The following TANC1 variants were observed in gnomAD, a reference collection of about 807,000 sequenced individuals.
TANC1 encodes the protein tetratricopeptide repeat, ankyrin repeat and coiled-coil containing 1, also known as protein TANC1.
A neutral mutation model predicts 149.7 loss-of-function variants in TANC1; 77 were observed. That is an observed-to-expected ratio of 0.51 (90% confidence interval 0.43 to 0.62). The LOEUF (loss-of-function observed/expected upper bound fraction) is 0.62. Among genes scored for constraint, TANC1 ranks in the 20% least tolerant of loss-of-function variants. The pLI is 0.00. For synonymous variants in TANC1, 854 were observed against 925.0 expected (o/e 0.92, Z 1.39); for missense variants, 1,985 against 2,321.8 (o/e 0.85, Z 2.98).
At chr2:159,025,189 T>TTTTTTC (rs1491417289) in intron 2 of TANC1, among the ~76,000 whole-genome samples, 8 of 105,222 alleles carry the variant, frequency 7.6e-5, no homozygotes, top group Non-Finnish European at 1.5e-4. Context: ...TTTTTCTTTC[T>TTTTTTC]TTTCTTTCTT....
chr2:159,022,256 G>A (rs894984637), intron 2 of TANC1, among the ~76,000 whole-genome samples: 5 of 152,176 alleles, frequency 3.3e-5, no homozygotes, highest in Non-Finnish European at 7.3e-5. Context: ...ATTCACAGTT[G>A]CAACTTGGGA....
intron 24 of TANC1, chr2:159,226,111 A>C (rs1389335833): frequency 3.0e-6 from 1 of 332,646 alleles, no homozygotes; most frequent in Non-Finnish European, 5.7e-6. Flanking sequence ...CAGAGGTTGC[A>C]GTGAGCTGAG....
intron 2 of TANC1, among the ~76,000 whole-genome samples, chr2:159,045,607 T>C (rs1371979067): frequency 2.0e-5 from 3 of 152,242 alleles, no homozygotes; most frequent in African/African-American, 7.2e-5. Flanking sequence ...TTTTTTGCTT[T>C]ATATTAATGA....
In TANC1 at chr2:159,227,908, C is replaced by G; in HGVS notation, c.3993C>G (p.Phe1331Leu). The change falls in exon 25 of 27, where the codon TTC (phenylalanine) becomes TTG (leucine). Residue 1331 changes from phenylalanine to leucine, a missense_variant. Around this residue, in one of 3 missense-constraint regions of TANC1, gnomAD observed 920 missense variants for 994.7 expected, o/e 0.92. Transcript: ENST00000263635. ...GATTCGGAGAGGACATGAGACCCTT[C>G]AATGAATTAAGGGTTTCCCTCTATC... ...REGFGEDMRP[F>L]NELRVSLYLN... The G allele has an allele frequency of 6.2e-7, 1 of 1,613,850 alleles. No homozygotes were observed. Among genetic ancestry groups the G allele is most frequent in the Non-Finnish European group, 8.5e-7 (1 of 1,179,766 alleles).
At chr2:159,026,301 A>G (rs1295156952) in intron 2 of TANC1, among the ~76,000 whole-genome samples, 1 of 152,192 alleles carries the variant, frequency 6.6e-6, no homozygotes, top group Non-Finnish European at 1.5e-5. Flanking sequence ...GTTGCCTAGC[A>G]TGCCTTCTTG....
In TANC1 at chr2:158,973,482, C is replaced by T. The variant is rs563781642; in HGVS notation, c.-126+4700C>T. Among the ~76,000 whole-genome samples the T allele has an allele frequency of 4.6e-5, 7 of 152,292 alleles. No individual in the cohort carries two copies. The East Asian group carries it at 5.8e-4, about 13-fold the overall frequency. On this transcript the variant is annotated intron_variant, in intron 1 of 26. Coordinates refer to ENST00000263635, the MANE Select transcript of TANC1 (RefSeq NM_033394.3). ...TTGAAGAAATATGAAAAAGATCATA[C>T]GTATACGGCTGCTGGTATTATAGCT...
intron 17 of TANC1, among the ~76,000 whole-genome samples, chr2:159,196,121 C>T (rs904604145): frequency 6.6e-6 from 1 of 152,234 alleles, no homozygotes; most frequent in African/African-American, 2.4e-5. Flanking sequence ...CACTTGGACT[C>T]CTTTCCTGCC....
chr2:159,186,026 C>T (rs1372800812), intron 15 of TANC1, 127 bp downstream of exon 15: 1 of 664,472 alleles, frequency 1.5e-6, no homozygotes, highest in East Asian at 2.7e-5. Context: ...AATGCAACCT[C>T]CTCCTGCCTC....
At chr2:159,048,254 G>T (rs976051447) in intron 2 of TANC1, among the ~76,000 whole-genome samples, 21 of 152,142 alleles carry the variant, frequency 1.4e-4, no homozygotes, top group Non-Finnish European at 8.8e-5. Flanking sequence ...ATTGGCTTTG[G>T]GGGGCAGTAA....
At position 159,217,491 on chromosome 2, in the gene TANC1, C is replaced by T. The variant is rs754224842; in HGVS notation, c.3245-6C>T. On this transcript the variant is annotated splice_polypyrimidine_tract_variant and splice_region_variant and intron_variant, in intron 19 of 26. Coordinates refer to ENST00000263635, the MANE Select transcript of TANC1 (RefSeq NM_033394.3). ...ACAGATTCCCCTCCATGTGACTTTC[C>T]TTTAGCCCTGACTGCCGCCGCAGGA... is the stretch of plus-strand genomic sequence containing the variant. 6.2e-7 allele frequency: 1 copy of T among 1,614,158 alleles called. No homozygotes were observed. Among genetic ancestry groups the T allele is most frequent in the Non-Finnish European group, 8.5e-7 (1 of 1,180,008 alleles).
intron 16 of TANC1, among the ~76,000 whole-genome samples, chr2:159,192,303 A>AT (rs545307437): frequency 6.6e-6 from 1 of 151,886 alleles, no homozygotes; most frequent in Non-Finnish European, 1.5e-5. Flanking sequence ...CACCATGACT[A>AT]TTTTTTTCTT....
intron 1 of TANC1, among the ~76,000 whole-genome samples, chr2:158,985,915 A>G (rs892718004): frequency 1.3e-5 from 2 of 152,120 alleles, no homozygotes; most frequent in Admixed American, 6.5e-5. Context: ...TGCTGCGATT[A>G]TAAGCATGAG....
intron 2 of TANC1, among the ~76,000 whole-genome samples, chr2:159,050,032 A>AT (rs1171064964): frequency 6.6e-6 from 1 of 152,310 alleles, no homozygotes; most frequent in East Asian, 1.9e-4. Context: ...GAATAGACTG[A>AT]TATGGGATTG....
chr2:159,218,502 A>C (rs2059488226), intron 20 of TANC1, among the ~76,000 whole-genome samples: 1 of 152,222 alleles, frequency 6.6e-6, no homozygotes, highest in Non-Finnish European at 1.5e-5. Context: ...ATAAACGAGC[A>C]AGAAGGCAGT....
chr2:159,065,961 G>A lies in TANC1; in HGVS notation c.51G>A (p.Lys17=). Residue 17 remains lysine, a synonymous_variant, in exon 3 of 27, where the codon AAG becomes AAA. Transcript: ENST00000263635. ...GCCGAGAGGGAGGAAAGGGAGGCAA[G>A]AAGGAAGCAGGTATGTGTGCAAGAA... ...KKSREGGKGG[K]KEAGSDFGPE... is the part of the protein sequence containing the mutation. 6.2e-7 allele frequency: 1 copy of A among 1,613,322 alleles called. No homozygotes were observed. The highest frequency in any genetic ancestry group is 1.1e-5 in the South Asian group (1 of 91,076).
chr2:159,023,676 CA>C (rs2039015328), intron 2 of TANC1, among the ~76,000 whole-genome samples: 1 of 151,880 alleles, frequency 6.6e-6, no homozygotes, highest in Admixed American at 6.6e-5. Context: ...TAGAAATTGT[CA>C]AAAATAAGGC....
chr2:159,175,220 T>C (rs1484323633), intron 12 of TANC1, 36 bp downstream of exon 12: 1 of 1,554,222 alleles, frequency 6.4e-7, no homozygotes, highest in East Asian at 2.2e-5. Flanking sequence ...CCCATCTCAG[T>C]AGTGGTACAG....
chr2:159,021,938 A>G (rs2038862424), intron 2 of TANC1, among the ~76,000 whole-genome samples: 1 of 152,242 alleles, frequency 6.6e-6, no homozygotes, highest in Admixed American at 6.5e-5. Flanking sequence ...CCATTTAAAA[A>G]ATTAAAAACC....
chr2:159,213,578 G>A (rs1043506431), intron 19 of TANC1, among the ~76,000 whole-genome samples: 6 of 152,008 alleles, frequency 3.9e-5, no homozygotes, highest in Non-Finnish European at 8.8e-5. Context: ...AAATATGAAT[G>A]GTACCTGCAG....
Sources: gnomAD v4.1 joint callset for allele counts (sites outside exome capture counted in the v4.1 genomes callset) on GRCh38, gnomAD v4.1.1 for gene constraint, gnomAD v4.1.1 regional missense constraint, MANE v1.5 for transcripts, NCBI Gene and HGNC (gene_info 2026-07-23, HGNC 2026-07-21) for gene names.